APAF1: variants seen among roughly 807,000 people sequenced by gnomAD.
APAF1 encodes apoptotic peptidase activating factor 1, also known as apoptotic protease-activating factor 1.
A neutral mutation model predicts 152.4 loss-of-function variants in APAF1; 91 were observed. The observed-to-expected ratio is 0.60, with a 90% CI of 0.50 to 0.71. The LOEUF (loss-of-function observed/expected upper bound fraction) is 0.71, where lower values mean the gene tolerates loss of function less well. APAF1 is among the 30% of genes least tolerant of loss of function. The pLI is 0.00. For missense variants in APAF1, 1,283 were observed against 1,472.0 expected, an observed-to-expected ratio of 0.87 and a Z score of 2.10; for synonymous variants, 484 against 494.1, an observed-to-expected ratio of 0.98 and a Z score of 0.27.
chr12:98,668,155 GT>G (rs2097675768), intron 10 of APAF1, among the ~76,000 whole-genome samples: 1 of 152,100 alleles, frequency 6.6e-6, no homozygotes, highest in South Asian at 2.1e-4. Flanking sequence ...TTGCTTTGCT[GT>G]CCTGTTCATA....
At chr12:98,662,174 G>A (rs2097666310) in intron 5 of APAF1, among the ~76,000 whole-genome samples, 2 of 138,370 alleles carry the variant, frequency 1.4e-5, no homozygotes, top group African/African-American at 5.3e-5. Context: ...TTGGCACTCA[G>A]TAAGTGATGG....
Position 98,675,272 on chromosome 12 carries a change from A to T in APAF1, c.1794-2153A>T, listed in dbSNP as rs189281615. 1.7e-4 allele frequency among the ~76,000 whole-genome samples: 26 copies of T among 152,264 alleles called. No individual in the cohort carries two copies. The East Asian group carries it at 5.0e-3, about 29-fold the overall frequency. On this transcript the variant is annotated intron_variant, in intron 12 of 26. Coordinates refer to ENST00000551964, the MANE Select transcript of APAF1 (RefSeq NM_181861.2). ...TCACTCATTCATTTGTTATTTGTCT[A>T]GTACTTTTGGGCCATCTACTATATA... is the stretch of plus-strand genomic sequence containing the variant.
chr12:98,717,394 A>G (rs1205881398), intron 22 of APAF1, among the ~76,000 whole-genome samples: 1 of 149,628 alleles, frequency 6.7e-6, no homozygotes, highest in Admixed American at 6.7e-5. Flanking sequence ...TTTTTTTTTG[A>G]GACGGAGTTT....
chr12:98,715,424 A>G lies in APAF1; in HGVS notation c.2959-3A>G. The stretch of plus-strand genomic sequence containing the variant: ...TAATTTTCTGTGTTTTTCTGCTTTG[A>G]AGATTTTAGAACTTGTAAACAATAG... On this transcript the variant is annotated splice_polypyrimidine_tract_variant and splice_region_variant and intron_variant, in intron 21 of 26. Coordinates refer to ENST00000551964, the MANE Select transcript of APAF1 (RefSeq NM_181861.2). 1 of 1,612,882 alleles carries G rather than the reference A, an allele frequency of 6.2e-7. No homozygotes were observed. Among genetic ancestry groups the G allele is most frequent in the Middle Eastern group, 1.7e-4 (1 of 6,060 alleles).
In APAF1 at chr12:98,712,328, G is replaced by A. The variant is rs1476273292; in HGVS notation, c.2851G>A (p.Gly951Arg). 6.2e-7 allele frequency: 1 copy of A among 1,607,870 alleles called. No individual in the cohort carries two copies. The highest frequency in any genetic ancestry group is 8.5e-7 in the Non-Finnish European group (1 of 1,174,670). Residue 951 changes from glycine to arginine, a missense_variant, in exon 21 of 27, where the codon GGA becomes AGA. Physicochemically the swap from Gly to Arg is moderately radical, Grantham distance 125 (BLOSUM62 -2). Transcript: ENST00000551964. ...DHIRRLQLIN[G>R]RTGQIDYLTE... Reference sequence around the variant, plus strand: ...CCTCATTTTTCATTAGCTCATTAATGGAAGAACAGGTCAGATTGATTATCT... The same window carrying A: ...CCTCATTTTTCATTAGCTCATTAATAGAAGAACAGGTCAGATTGATTATCT...
intron 16 of APAF1, among the ~76,000 whole-genome samples, chr12:98,688,205 A>G (rs1166582172): frequency 1.3e-5 from 2 of 152,152 alleles, no homozygotes; most frequent in African/African-American, 2.4e-5. Flanking sequence ...ACCTTCTCCA[A>G]TAAGATTCCC....
Position 98,645,637 on chromosome 12 carries a change from G to A in APAF1, c.-240G>A. On this transcript the variant is annotated 5_prime_UTR_variant, in exon 1 of 27. Transcript: ENST00000551964. ...GTCCCTGGGGGTCTTCGTGCGCCCC[G>A]GGGCTGCAGAGATCCAGGGGAGGCG... 6.6e-6 allele frequency: 1 copy of A among 152,268 alleles called. No homozygotes were observed. Among genetic ancestry groups the A allele is most frequent in the East Asian group, 1.9e-4 (1 of 5,182 alleles). The allele number at this position is 152,268 out of a possible 1,614,324, so 9.4% of individuals were successfully genotyped here.
chr12:98,648,429 T>C lies in APAF1; in HGVS notation c.70T>C (p.Tyr24His), dbSNP rs1254715652. ...TCTGGAAAAGGACATCAAGACATCC[T>C]ACATCATGGATCACATGATTAGTGA... The part of the protein sequence containing the change: ...EALEKDIKTS[Y>H]IMDHMISDGF... Residue 24 changes from tyrosine to histidine, a missense_variant, in exon 2 of 27, where the codon TAC becomes CAC. Physicochemically the swap from Tyr to His is moderately conservative, Grantham distance 83 (BLOSUM62 2). Transcript: ENST00000551964. 1 of 1,613,790 alleles carries C rather than the reference T, an allele frequency of 6.2e-7. No individual in the cohort carries two copies. The highest frequency in any genetic ancestry group is 8.5e-7 in the Non-Finnish European group (1 of 1,179,806).
intron 12 of APAF1, among the ~76,000 whole-genome samples, chr12:98,674,562 T>C (rs1565869141): frequency 6.6e-6 from 1 of 152,302 alleles, no homozygotes; most frequent in East Asian, 1.9e-4. Flanking sequence ...TTTATAGTGA[T>C]TATCTGTTTA....
intron 5 of APAF1, among the ~76,000 whole-genome samples, chr12:98,659,558 C>A (rs2097662125): frequency 1.3e-5 from 2 of 151,848 alleles, no homozygotes; most frequent in Non-Finnish European, 2.9e-5. Flanking sequence ...TCAAGACCAG[C>A]CTGACTAACA....
At chr12:98,677,080 T>G (rs1017072388) in intron 12 of APAF1, among the ~76,000 whole-genome samples, 2 of 152,262 alleles carry the variant, frequency 1.3e-5, no homozygotes, top group African/African-American at 2.4e-5. Flanking sequence ...ATGATTTATC[T>G]GCACATGTAT....
At chr12:98,725,207 C>T (rs937389364) in intron 24 of APAF1, among the ~76,000 whole-genome samples, 1 of 152,102 alleles carries the variant, frequency 6.6e-6, no homozygotes, top group Non-Finnish European at 1.5e-5. Context: ...TGACATTGAT[C>T]CTTGAGCTGA....
chr12:98,723,130 C>T, intron 22 of APAF1, 63 bp from the exon 23 acceptor site: 1 of 1,553,372 alleles, frequency 6.4e-7, no homozygotes, highest in Non-Finnish European at 8.9e-7. Context: ...TACACTCTCT[C>T]CACCCCTCCA....
rs151167119 is a variant in APAF1, at chr12:98,702,565, C to T, written c.2467-806C>T. Reference sequence around the variant, plus strand: ...TGCGGCTGGGCGTGGTGGCTCACACCGGTAATCCCAGCACTTTGGGAGGCC... The same window carrying T: ...TGCGGCTGGGCGTGGTGGCTCACACTGGTAATCCCAGCACTTTGGGAGGCC... On this transcript the variant is annotated intron_variant, in intron 17 of 26. Coordinates refer to ENST00000551964, the MANE Select transcript of APAF1 (RefSeq NM_181861.2). 2.6e-3 allele frequency among the ~76,000 whole-genome samples: 395 copies of T among 152,062 alleles called. 2 individuals are homozygous for T. The highest frequency in any genetic ancestry group is 0.01 in the Middle Eastern group (3 of 290).
intron 12 of APAF1, among the ~76,000 whole-genome samples, chr12:98,674,362 C>T (rs1232236345): frequency 2.0e-5 from 3 of 152,082 alleles, no homozygotes; most frequent in African/African-American, 7.2e-5. Flanking sequence ...GATGAAAAGT[C>T]AAAGACTAGC....
intron 9 of APAF1, among the ~76,000 whole-genome samples, chr12:98,666,885 C>T (rs920492714): frequency 3.9e-5 from 6 of 152,010 alleles, no homozygotes; most frequent in Admixed American, 6.6e-5. Flanking sequence ...AGTGTTTTGC[C>T]ATGTTGCCCA....
intron 12 of APAF1, among the ~76,000 whole-genome samples, chr12:98,672,928 A>AT (rs985846892): frequency 6.7e-5 from 10 of 148,860 alleles, no homozygotes; most frequent in South Asian, 2.1e-4. Context: ...CCGATTTTGT[A>AT]TTTTTTTTTA....
intron 14 of APAF1, among the ~76,000 whole-genome samples, chr12:98,681,671 G>C (rs1470899543): frequency 6.6e-6 from 1 of 152,154 alleles, no homozygotes; most frequent in Non-Finnish European, 1.5e-5. Flanking sequence ...TGATAGATTG[G>C]ACTCGTGGCT....
chr12:98,727,984 ATTAAAAAAAT>A (rs1565897362), intron 26 of APAF1, among the ~76,000 whole-genome samples: 1 of 149,616 alleles, frequency 6.7e-6, no homozygotes, highest in African/African-American at 2.5e-5. Context: ...TAATTAATTA[ATTAAAAAAAT>A]AAATAAAAAG....
Sources: gnomAD v4.1 joint callset for allele counts (sites outside exome capture counted in the v4.1 genomes callset) on GRCh38, gnomAD v4.1.1 for gene constraint, MANE v1.5 for transcripts, NCBI Gene and HGNC (gene_info 2026-07-23, HGNC 2026-07-21) for gene names.